Variants in MOV10L1 observed in about 807,000 individuals in gnomAD.
The protein encoded by MOV10L1 is Mov10 like RNA helicase 1.
In MOV10L1, 110 loss-of-function variants were observed where a neutral mutation model predicts 143.8. That is an observed-to-expected ratio of 0.76 (90% CI 0.66 to 0.90). The LOEUF (loss-of-function observed/expected upper bound fraction) is 0.90. Ranked by LOEUF, MOV10L1 falls within the 40% of genes least tolerant of loss-of-function variation. MOV10L1 has a pLI of 0.00. For missense variants in MOV10L1, 1,406 were observed against 1,526.8 expected (o/e 0.92, Z 1.32); for synonymous variants, 593 against 581.1 (o/e 1.02, Z -0.29).
At chr22:50,147,996 C>T (rs562829196) in intron 19 of MOV10L1, among the ~76,000 whole-genome samples, 116 of 152,358 alleles carry the variant, frequency 7.6e-4, no homozygotes, top group African/African-American at 2.7e-3. Flanking sequence ...GAGCCCGCCC[C>T]CGCACAGGTC....
Position 50,092,111 on chromosome 22 carries a change from C to T in MOV10L1, c.208C>T (p.Leu70Phe), listed in dbSNP as rs1602098808. Residue 70 changes from leucine to phenylalanine, a missense_variant, in exon 2 of 27, where the codon CTT becomes TTT. This residue lies in a region of MOV10L1 where 166 missense variants were observed against 153.9 expected (regional missense o/e 1.08). Transcript: ENST00000262794. The part of the protein sequence containing the change: ...FSSDAVTSRV[L>F]LNVGQEVIAV... Reference sequence around the variant, plus strand: ...CAGTGATGCTGTGACTAGCAGAGTGCTTCTGAATGTTGGACAGGAAGTGAT... The same window carrying T: ...CAGTGATGCTGTGACTAGCAGAGTGTTTCTGAATGTTGGACAGGAAGTGAT... The T allele has an allele frequency of 6.2e-7, 1 of 1,614,162 alleles. No individual in the cohort carries two copies. Among genetic ancestry groups the T allele is most frequent in the Non-Finnish European group, 8.5e-7 (1 of 1,180,032 alleles).
chr22:50,144,570 G>GT (rs1285857578), intron 18 of MOV10L1, among the ~76,000 whole-genome samples: 1 of 149,314 alleles, frequency 6.7e-6, no homozygotes, highest in Admixed American at 6.9e-5. Context: ...TTGGTTTGGT[G>GT]TTTTTTGTTT....
intron 19 of MOV10L1, 63 bp downstream of exon 19, chr22:50,145,873 A>G: frequency 6.2e-7 from 1 of 1,600,084 alleles, no homozygotes; most frequent in African/African-American, 1.3e-5. Flanking sequence ...GTCCTCTCCT[A>G]GCTTCTGTCT....
chr22:50,145,635 A>G, intron 18 of MOV10L1, 54 bp from the exon 19 acceptor site: 1 of 1,602,052 alleles, frequency 6.2e-7, no homozygotes, highest in Non-Finnish European at 8.5e-7. Flanking sequence ...TCCCTTTTGG[A>G]ATTCTGCTTA....
At chr22:50,101,378 G>A (rs1264852176) in intron 3 of MOV10L1, among the ~76,000 whole-genome samples, 2 of 152,200 alleles carry the variant, frequency 1.3e-5, no homozygotes, top group Middle Eastern at 3.4e-3. Flanking sequence ...ACCACACCTG[G>A]CTAATTTTTT....
chr22:50,141,181 G>A (rs925308065), intron 15 of MOV10L1, among the ~76,000 whole-genome samples: 4 of 152,092 alleles, frequency 2.6e-5, no homozygotes, highest in African/African-American at 9.7e-5. Flanking sequence ...CTCCCGAGTA[G>A]CTGGTGGCAC....
At chr22:50,118,855 G>T (rs1449036768) in intron 9 of MOV10L1, among the ~76,000 whole-genome samples, 1 of 152,200 alleles carries the variant, frequency 6.6e-6, no homozygotes, top group African/African-American at 2.4e-5. Flanking sequence ...AGCAGGGGGA[G>T]ACTCAGCGCT....
In MOV10L1 at chr22:50,159,497, G is replaced by T. The variant is rs996961211; in HGVS notation, c.3217-181G>T. On this transcript the variant is annotated intron_variant, in intron 23 of 26. Coordinates refer to ENST00000262794, the MANE Select transcript of MOV10L1 (RefSeq NM_018995.3). This position sits in a 1 kb window ranked among gnomAD's most constrained non-coding sequence, Gnocchi z 4.1. The stretch of plus-strand genomic sequence containing the variant: ...TGCACCCATAATCCCAGCTGCTCAG[G>T]AGGCTGAGGCAGGAGAATTGCTTGA... Among the ~76,000 whole-genome samples, 1 of 152,024 alleles carries T rather than the reference G, an allele frequency of 6.6e-6. No homozygotes were observed. The highest frequency in any genetic ancestry group is 1.9e-4 in the East Asian group (1 of 5,188).
intron 15 of MOV10L1, among the ~76,000 whole-genome samples, chr22:50,140,187 T>A (rs537180412): frequency 2.3e-4 from 35 of 152,126 alleles, no homozygotes; most frequent in Non-Finnish European, 4.0e-4. Context: ...CACAGGTGGC[T>A]CTCCAATGAA....
intron 3 of MOV10L1, among the ~76,000 whole-genome samples, chr22:50,103,878 G>A (rs1226275473): frequency 6.6e-6 from 1 of 152,160 alleles, no homozygotes; most frequent in Admixed American, 6.5e-5. Context: ...CAGGGAGGGA[G>A]GATAGTTTTG....
chr22:50,157,140 A>G (rs1051782814), intron 22 of MOV10L1, among the ~76,000 whole-genome samples: 1 of 152,128 alleles, frequency 6.6e-6, no homozygotes, highest in East Asian at 1.9e-4. Context: ...CCTGTTGGCC[A>G]TTTGTATGTC....
At position 50,160,657 on chromosome 22, in the gene MOV10L1, G is replaced by A. The variant is rs749009057; in HGVS notation, c.3325-31G>A. 15 of 1,591,960 alleles carry A rather than the reference G, an allele frequency of 9.4e-6. No homozygotes were observed. In the Admixed American group the frequency reaches 1.8e-4, roughly 19 times the overall value. On this transcript the variant is annotated intron_variant, in intron 24 of 26. Transcript: ENST00000262794. Reference sequence around the variant, plus strand: ...TTCATGCCCCCCAAAAACTTCAAGTGCCATTTTTATTCATCTCTGTGTGCT... The same window carrying A: ...TTCATGCCCCCCAAAAACTTCAAGTACCATTTTTATTCATCTCTGTGTGCT...
chr22:50,124,540 G>A (rs554158347), intron 10 of MOV10L1, among the ~76,000 whole-genome samples: 1 of 152,248 alleles, frequency 6.6e-6, no homozygotes, highest in South Asian at 2.1e-4. Context: ...CTTCAGATTT[G>A]GAAATTTTCA....
intron 12 of MOV10L1, among the ~76,000 whole-genome samples, chr22:50,127,797 G>C (rs370034043): frequency 6.6e-6 from 1 of 150,908 alleles, no homozygotes; most frequent in South Asian, 2.1e-4. Context: ...TTTTGAGATG[G>C]ATTCTCACTC....
rs1176253539 is a variant in MOV10L1, at chr22:50,152,425, C to T, written c.2893-620C>T. On this transcript the variant is annotated intron_variant, in intron 21 of 26. Transcript: ENST00000262794. The surrounding 1 kb of genome is among the most constrained non-coding windows in gnomAD (Gnocchi z 4.4). Reference sequence around the variant, plus strand: ...GCTGGAGACCCTCTCTGGCTGCTTACACCAGCACCAGGGGAAGAGCACCTG... The same window carrying T: ...GCTGGAGACCCTCTCTGGCTGCTTATACCAGCACCAGGGGAAGAGCACCTG... Among the ~76,000 whole-genome samples the T allele has an allele frequency of 6.6e-6, 1 of 152,222 alleles. No individual in the cohort carries two copies. The highest frequency in any genetic ancestry group is 1.5e-5 in the Non-Finnish European group (1 of 68,028).
chr22:50,105,316 T>C (rs182423511), intron 3 of MOV10L1, among the ~76,000 whole-genome samples: 16 of 152,338 alleles, frequency 1.1e-4, no homozygotes, highest in Admixed American at 5.2e-4. Flanking sequence ...ATCAAGTAAG[T>C]TGTCTCTGTC....
chr22:50,128,627 C>T (rs1400764610), intron 13 of MOV10L1, 120 bp downstream of exon 13: 3 of 603,070 alleles, frequency 5.0e-6, no homozygotes, highest in Non-Finnish European at 5.8e-6. Flanking sequence ...TCACTGCAAC[C>T]TCCGCCTCCC....
chr22:50,090,697 A>T (rs1239499373), intron 1 of MOV10L1: 22 of 755,312 alleles, frequency 2.9e-5, no homozygotes, highest in Non-Finnish European at 4.8e-5. Flanking sequence ...TGTGTGTGAG[A>T]CGGAGTTTCG....
At chr22:50,127,828 A>G (rs2062555671) in intron 12 of MOV10L1, among the ~76,000 whole-genome samples, 1 of 151,388 alleles carries the variant, frequency 6.6e-6, no homozygotes, top group Non-Finnish European at 1.5e-5. Flanking sequence ...CCTGGAGTAC[A>G]GTGGTACGAT....
Sources: gnomAD v4.1 joint callset for allele counts (sites outside exome capture counted in the v4.1 genomes callset) on GRCh38, gnomAD v4.1.1 for gene constraint, gnomAD v4.1.1 regional missense constraint, Gnocchi (gnomAD v3.1) non-coding constraint, MANE v1.5 for transcripts, NCBI Gene and HGNC (gene_info 2026-07-23, HGNC 2026-07-21) for gene names.